Variants in TARS2 observed in about 807,000 individuals in gnomAD.
TARS2 encodes threonine--tRNA ligase, mitochondrial.
TARS2 carries 61 observed loss-of-function variants against 94.4 expected under a neutral mutation model. The observed-to-expected ratio is 0.65, with a 90% CI of 0.53 to 0.80. The LOEUF is 0.80. TARS2 is among the 30% of genes least tolerant of loss of function. The pLI is 0.00. For missense variants in TARS2, 704 were observed against 902.5 expected (o/e 0.78, Z 2.82); for synonymous variants, 359 against 353.4 (o/e 1.02, Z -0.18).
intron 8 of TARS2, 60 bp downstream of exon 8, chr1:150,496,688 C>A: frequency 6.3e-7 from 1 of 1,597,946 alleles, no homozygotes; most frequent in South Asian, 1.1e-5. Context: ...GATGACAGAA[C>A]CTGATTATGA....
Position 150,497,655 on chromosome 1 carries a change from C to T in TARS2, c.1146C>T (p.Gly382=), listed in dbSNP as rs776978654. ...ACATGTTTGCCGTGCAGCCCCCAGG[C>T]TCTGACAGGCCTCCCAGCTCCCAGA... The part of the protein sequence containing the change: ...QEDMFAVQPP[G]SDRPPSSQSD... Residue 382 remains glycine (G), a synonymous_variant, in exon 10 of 18, where the codon GGC becomes GGT. Transcript: ENST00000369064. 1 of 1,614,188 alleles carries T rather than the reference C, an allele frequency of 6.2e-7. No homozygotes were observed.
chr1:150,506,103 G>C (rs2102514355), intron 17 of TARS2, among the ~76,000 whole-genome samples: 1 of 152,222 alleles, frequency 6.6e-6, no homozygotes, highest in Non-Finnish European at 1.5e-5. Context: ...GCACTGCCAT[G>C]CTCCCTTTTT....
chr1:150,497,479 T>A (rs1359522145), intron 9 of TARS2, 51 bp from the exon 10 acceptor site: 2 of 1,575,662 alleles, frequency 1.3e-6, no homozygotes, highest in Admixed American at 3.3e-5. Flanking sequence ...ACACCCTACC[T>A]GCTTTCCTTC....
In TARS2 at chr1:150,490,095, T is replaced by C. The variant is rs587716416; in HGVS notation, c.388-506T>C. 3.8e-4 allele frequency among the ~76,000 whole-genome samples: 58 copies of C among 150,996 alleles called. 1 individual carries two copies. In the East Asian group the frequency reaches 4.1e-3, roughly 11 times the overall value. ...CTGAAAGAAGAAAAAATACTGGCCT[T>C]CTTTCTTTTCTATTCAGTCTTTTTT... is the stretch of plus-strand genomic sequence containing the variant. On this transcript the variant is annotated intron_variant, in intron 3 of 17. Transcript: ENST00000369064.
chr1:150,502,284 G>A (rs1275488179), intron 13 of TARS2, among the ~76,000 whole-genome samples: 2 of 147,268 alleles, frequency 1.4e-5, no homozygotes, highest in African/African-American at 2.5e-5. Context: ...GTGCACTGGC[G>A]GATCTTGGCT....
At position 150,487,908 on chromosome 1, in the gene TARS2, T is replaced by G. The variant is rs1476785844; in HGVS notation, c.117T>G (p.Phe39Leu). 6 of 1,613,696 alleles carry G rather than the reference T, an allele frequency of 3.7e-6. No individual in the cohort carries two copies. In the African/African-American group the frequency reaches 8.0e-5, roughly 22 times the overall value. The change falls in exon 2 of 18, where the codon TTT becomes TTG. Residue 39 changes from phenylalanine to leucine, a missense_variant. Around this residue, in one of 3 missense-constraint regions of TARS2, gnomAD observed 208 missense variants for 228.5 expected, o/e 0.91. Coordinates refer to ENST00000369064, the MANE Select transcript of TARS2 (RefSeq NM_025150.5). Reference sequence around the variant, plus strand: ...GGTTGGCAGAGCGGCTTGGCCTTTTTGAGGAGCTGTGGGCTGCTCAGGTAA... The same window carrying G: ...GGTTGGCAGAGCGGCTTGGCCTTTTGGAGGAGCTGTGGGCTGCTCAGGTAA... ...PRWLAERLGL[F>L]EELWAAQVKR...
intron 13 of TARS2, among the ~76,000 whole-genome samples, chr1:150,501,901 TTTTA>T (rs1358615275): frequency 1.2e-4 from 18 of 152,142 alleles, no homozygotes; most frequent in South Asian, 2.1e-4. Flanking sequence ...GTTTGTTTTG[TTTTA>T]TTTATTTATT....
At position 150,494,894 on chromosome 1, in the gene TARS2, AG is replaced by A. The variant is rs1669586376; in HGVS notation, c.775-1586del. Among the ~76,000 whole-genome samples the A allele has an allele frequency of 5.3e-5, 8 of 151,266 alleles. No homozygotes were observed. In the South Asian group the frequency reaches 8.4e-4, roughly 16 times the overall value. On this transcript the variant is annotated intron_variant, in intron 7 of 17. Coordinates refer to ENST00000369064, the MANE Select transcript of TARS2 (RefSeq NM_025150.5). ...CTACTAAAAATACAAAAAATTAGCC[AG>A]GTGTGGCCGGGCGCAGTGGCTCACG...
At chr1:150,504,611 C>CT in intron 14 of TARS2, 21 bp from the exon 15 acceptor site, 1 of 1,609,174 alleles carries the variant, frequency 6.2e-7, no homozygotes, top group Non-Finnish European at 8.5e-7. Flanking sequence ...TTCCATCCAC[C>CT]CCCCCCTTTT....
intron 7 of TARS2, 44 bp downstream of exon 7, chr1:150,492,533 C>T (rs113652065): frequency 3.9e-5 from 63 of 1,599,044 alleles, no homozygotes; most frequent in African/African-American, 2.0e-4. Context: ...TATTTTGAGC[C>T]GGGCATGGTG....
intron 14 of TARS2, 55 bp downstream of exon 14, chr1:150,504,490 T>G: frequency 6.2e-7 from 1 of 1,600,126 alleles, no homozygotes. Flanking sequence ...AATAAGTCCT[T>G]CTGCCTTTGG....
chr1:150,502,608 C>G (rs1257775905), intron 13 of TARS2, among the ~76,000 whole-genome samples: 1 of 152,024 alleles, frequency 6.6e-6, no homozygotes, highest in Non-Finnish European at 1.5e-5. Flanking sequence ...AGGCTGGTCT[C>G]GAACTCCTGA....
chr1:150,494,143 G>C (rs1234975127), intron 7 of TARS2, among the ~76,000 whole-genome samples: 1 of 152,106 alleles, frequency 6.6e-6, no homozygotes, highest in Non-Finnish European at 1.5e-5. Context: ...GAGGCAGGCG[G>C]ATCACTTGAG....
At chr1:150,503,708 TAC>T (rs199826529) in intron 13 of TARS2, among the ~76,000 whole-genome samples, 1,469 of 146,188 alleles carry the variant, frequency 0.01, 11 homozygotes, top group Non-Finnish European at 0.014. Context: ...TGTGTATATA[TAC>T]ACACACACAC....
chr1:150,497,193 G>A (rs1342405770), intron 9 of TARS2, among the ~76,000 whole-genome samples: 1 of 152,082 alleles, frequency 6.6e-6, no homozygotes, highest in Non-Finnish European at 1.5e-5. Flanking sequence ...GCTGAGGCAG[G>A]AGAATCCCTT....
chr1:150,488,974 G>C lies in TARS2; in HGVS notation c.274G>C (p.Ala92Pro). 1 of 1,613,622 alleles carries C rather than the reference G, an allele frequency of 6.2e-7. No homozygotes were observed. The highest frequency in any genetic ancestry group is 1.1e-5 in the South Asian group (1 of 90,996). The change falls in exon 3 of 18, where the codon GCA becomes CCA. Residue 92 changes from alanine to proline, a missense_variant. Coordinates refer to ENST00000369064, the MANE Select transcript of TARS2 (RefSeq NM_025150.5). ...CTTCCACTGCTGAAGTTCAACACTG[G>C]CAGATACTGCAGTGGCTGCTCAAGT... ...QLARQISSTL[A>P]DTAVAAQVNG...
intron 2 of TARS2, 88 bp from the exon 3 acceptor site, chr1:150,488,876 C>T: frequency 6.5e-7 from 1 of 1,529,020 alleles, no homozygotes; most frequent in African/African-American, 1.4e-5. Context: ...TTTTTAAACT[C>T]TCATATAGGA....
rs956652994 is a variant in TARS2, at chr1:150,497,614, G to A, written c.1105G>A (p.Glu369Lys). The change falls in exon 10 of 18, where the codon GAG becomes AAG. Residue 369 changes from glutamate to lysine, a missense_variant. Physicochemically the swap from Glu to Lys is moderately conservative, Grantham distance 56 (BLOSUM62 1). Transcript: ENST00000369064. ...GCTCTGGGAACAGTCAGGGCACTGG[G>A]AGCATTATCAGGAAGACATGTTTGC... is the stretch of plus-strand genomic sequence containing the variant. ...TKLWEQSGHW[E>K]HYQEDMFAVQ... 6.2e-7 allele frequency: 1 copy of A among 1,614,000 alleles called. No individual in the cohort carries two copies. The highest frequency in any genetic ancestry group is 8.5e-7 in the Non-Finnish European group (1 of 1,180,030).
chr1:150,498,602 G>C lies in TARS2; in HGVS notation c.1339G>C (p.Gly447Arg), dbSNP rs749794044. The change falls in exon 11 of 18, where the codon GGA becomes CGA. Residue 447 changes from glycine (G) to arginine (R), a missense_variant. Gly to Arg is a moderately radical substitution (Grantham distance 125). Coordinates refer to ENST00000369064, the MANE Select transcript of TARS2 (RefSeq NM_025150.5). ...HRAEASGGLG[G>R]LTRLRCFQQD... ...GGCCGAAGCCTCTGGTGGTCTGGGGGGACTGACCCGACTGCGGTGCTTCCA... is the reference window on the plus strand; with the variant it reads ...GGCCGAAGCCTCTGGTGGTCTGGGGCGACTGACCCGACTGCGGTGCTTCCA... 6.2e-7 allele frequency: 1 copy of C among 1,612,280 alleles called. No individual in the cohort carries two copies. The highest frequency in any genetic ancestry group is 1.7e-5 in the Admixed American group (1 of 59,254).
Sources: gnomAD v4.1 joint callset for allele counts (sites outside exome capture counted in the v4.1 genomes callset) on GRCh38, gnomAD v4.1.1 for gene constraint, gnomAD v4.1.1 regional missense constraint, MANE v1.5 for transcripts, NCBI Gene and HGNC (gene_info 2026-07-23, HGNC 2026-07-21) for gene names.